Variants in BANK1 observed in about 807,000 individuals in gnomAD.
BANK1 encodes B cell scaffold protein with ankyrin repeats 1.
BANK1 carries 95 observed loss-of-function variants against 94.5 expected under a neutral mutation model. That is an observed-to-expected ratio of 1.00 (90% CI 0.85 to 1.19). BANK1 has a LOEUF of 1.19. BANK1 is among the 50% of genes most tolerant of loss of function. The pLI, the probability that BANK1 is intolerant of heterozygous loss-of-function variation, is 0.00. For synonymous variants in BANK1, 334 were observed against 308.4 expected (o/e 1.08, Z -0.87); for missense variants, 987 against 932.2 (o/e 1.06, Z -0.77).
intron 10 of BANK1, among the ~76,000 whole-genome samples, chr4:102,033,424 A>G (rs1727395432): frequency 6.6e-6 from 1 of 152,108 alleles, no homozygotes; most frequent in Non-Finnish European, 1.5e-5. Context: ...TTACATAAAC[A>G]TCGATTGAGT....
At chr4:101,983,876 A>G (rs1725400251) in intron 7 of BANK1, among the ~76,000 whole-genome samples, 1 of 152,100 alleles carries the variant, frequency 6.6e-6, no homozygotes, top group Non-Finnish European at 1.5e-5. Flanking sequence ...ATTGGATAGC[A>G]TTAATGCTTT....
chr4:101,840,180 G>T (rs1331766559), intron 2 of BANK1, among the ~76,000 whole-genome samples: 1 of 149,934 alleles, frequency 6.7e-6, no homozygotes, highest in Non-Finnish European at 1.5e-5. Context: ...GTTTTAGCCG[G>T]GATGGTCTCG....
At chr4:101,960,071 T>A (rs1246850171) in intron 7 of BANK1, among the ~76,000 whole-genome samples, 1 of 152,162 alleles carries the variant, frequency 6.6e-6, no homozygotes, top group Non-Finnish European at 1.5e-5. Flanking sequence ...AGATGAATGA[T>A]TATAGGCAGA....
intron 7 of BANK1, among the ~76,000 whole-genome samples, chr4:102,012,879 C>T (rs1299870626): frequency 1.3e-5 from 2 of 152,020 alleles, no homozygotes; most frequent in African/African-American, 4.8e-5. Flanking sequence ...ACCTGGGTTC[C>T]TGTTCACTAA....
chr4:102,072,452 A>G (rs1395690281), intron 15 of BANK1, 52 bp downstream of exon 15: 1 of 1,354,506 alleles, frequency 7.4e-7, no homozygotes. Context: ...TAACTTCGTT[A>G]AAAAAGAACA....
chr4:101,946,542 C>T (rs919230888), intron 7 of BANK1, among the ~76,000 whole-genome samples: 2 of 151,912 alleles, frequency 1.3e-5, no homozygotes, highest in African/African-American at 2.4e-5. Flanking sequence ...GTTTCCATCC[C>T]TCCTGAAATG....
At chr4:101,964,849 T>C (rs978073124) in intron 7 of BANK1, among the ~76,000 whole-genome samples, 1 of 151,520 alleles carries the variant, frequency 6.6e-6, no homozygotes, top group African/African-American at 2.4e-5. Flanking sequence ...TGTGCCATGC[T>C]GGTGTGCTGC....
chr4:101,853,751 G>T (rs933596666), intron 2 of BANK1, among the ~76,000 whole-genome samples: 1 of 152,064 alleles, frequency 6.6e-6, no homozygotes, highest in African/African-American at 2.4e-5. Context: ...GGTCTCCTGG[G>T]GCAAGGCATT....
chr4:101,911,447 A>G (rs777324792), intron 6 of BANK1, among the ~76,000 whole-genome samples: 2 of 152,178 alleles, frequency 1.3e-5, no homozygotes, highest in Non-Finnish European at 2.9e-5. Flanking sequence ...GTTTCCTAGT[A>G]TATGATTTCC....
intron 1 of BANK1, among the ~76,000 whole-genome samples, chr4:101,800,826 C>G (rs1404801981): frequency 6.6e-6 from 1 of 152,178 alleles, no homozygotes; most frequent in Non-Finnish European, 1.5e-5. Context: ...GGTACAATCT[C>G]AGCTCACTGC....
chr4:102,034,894 A>G (rs896831739), intron 10 of BANK1, among the ~76,000 whole-genome samples: 1 of 152,218 alleles, frequency 6.6e-6, no homozygotes, highest in Non-Finnish European at 1.5e-5. Flanking sequence ...TGATATATTT[A>G]TTCCTGGATT....
At chr4:101,958,419 A>G (rs1160091832) in intron 7 of BANK1, among the ~76,000 whole-genome samples, 1 of 57,422 alleles carries the variant, frequency 1.7e-5, no homozygotes, top group African/African-American at 4.7e-5. Flanking sequence ...CATGCTACAA[A>G]CACTTTTTTT....
chr4:102,050,138 C>T (rs1727998617), intron 11 of BANK1, among the ~76,000 whole-genome samples: 2 of 152,152 alleles, frequency 1.3e-5, no homozygotes, highest in African/African-American at 4.8e-5. Context: ...CCTTTCATTC[C>T]TGCTCTAAAA....
intron 13 of BANK1, among the ~76,000 whole-genome samples, chr4:102,067,337 A>G (rs766743856): frequency 6.6e-6 from 1 of 152,152 alleles, no homozygotes; most frequent in Non-Finnish European, 1.5e-5. Context: ...ACTGAATTAA[A>G]TGCTTCTTTT....
intron 1 of BANK1, among the ~76,000 whole-genome samples, chr4:101,812,832 T>C (rs1725770635): frequency 6.6e-6 from 1 of 152,104 alleles, no homozygotes; most frequent in African/African-American, 2.4e-5. Context: ...TTCAATCTTG[T>C]ACAAAATGTT....
chr4:101,892,151 TA>T (rs1183017459), intron 5 of BANK1, among the ~76,000 whole-genome samples: 1 of 151,300 alleles, frequency 6.6e-6, no homozygotes, highest in Non-Finnish European at 1.5e-5. Context: ...TTTCCAGAAG[TA>T]AATTCCATAA....
At chr4:101,799,652 A>T (rs1234867981) in intron 1 of BANK1, among the ~76,000 whole-genome samples, 1 of 152,166 alleles carries the variant, frequency 6.6e-6, no homozygotes, top group African/African-American at 2.4e-5. Context: ...AGGTGGGCGG[A>T]TCACGAGGTC....
At chr4:102,071,183 A>G in intron 13 of BANK1, 92 bp from the exon 14 acceptor site, 2 of 1,398,710 alleles carry the variant, frequency 1.4e-6, no homozygotes, top group South Asian at 2.4e-5. Flanking sequence ...CTCAAAGACA[A>G]GAAGTAGTCC....
chr4:102,022,425 A>T (rs76987783), intron 8 of BANK1, among the ~76,000 whole-genome samples: 2 of 152,136 alleles, frequency 1.3e-5, no homozygotes, highest in Non-Finnish European at 2.9e-5. Context: ...AAACATTCCC[A>T]GCATTCAGCC....
Sources: allele counts gnomAD v4.1 joint callset (sites outside exome capture counted in the v4.1 genomes callset), GRCh38; gene constraint gnomAD v4.1.1; transcripts MANE v1.5; gene names NCBI Gene and HGNC (gene_info 2026-07-23, HGNC 2026-07-21).